Variants in CHAF1A observed in about 807,000 individuals in gnomAD.
CHAF1A encodes the protein chromatin assembly factor 1 subunit A, also known as CAF-1 subunit A.
A neutral mutation model predicts 93.2 loss-of-function variants in CHAF1A; 5 were observed. That is an observed-to-expected ratio of 0.05 (90% CI 0.03 to 0.11). The LOEUF (loss-of-function observed/expected upper bound fraction) is 0.11. CHAF1A is among the 10% of genes least tolerant of loss of function. The pLI is 1.00. For synonymous variants in CHAF1A, 504 were observed against 510.3 expected, an observed-to-expected ratio of 0.99 and a Z score of 0.17; for missense variants, 1,102 against 1,259.9, an observed-to-expected ratio of 0.87 and a Z score of 1.90.
intron 14 of CHAF1A, 74 bp downstream of exon 14, chr19:4,442,415 G>C: frequency 7.9e-7 from 1 of 1,263,610 alleles, no homozygotes; most frequent in South Asian, 1.3e-5. Flanking sequence ...GAGAAGGGAT[G>C]GGGCTGCCTA....
rs1035706521 is a variant in CHAF1A at position 4,429,451 on chromosome 19, G to A, written c.1618G>A (p.Val540Met). 1.4e-5 allele frequency: 23 copies of A among 1,613,756 alleles called. No individual in the cohort carries two copies. Among genetic ancestry groups the A allele is most frequent in the East Asian group, 2.2e-5 (1 of 44,876 alleles). ...ADIFNSDVVI[V>M]ERGKGDGVPE... Reference sequence around the variant, plus strand: ...TTTCCTTCTCAGTGATGTCGTCATCGTGGAGCGTGGGAAGGGCGACGGTGT... The same window carrying A: ...TTTCCTTCTCAGTGATGTCGTCATCATGGAGCGTGGGAAGGGCGACGGTGT... The change falls in exon 9 of 15, where the codon GTG (valine) becomes ATG (methionine). Residue 540 changes from valine to methionine, a missense_variant. Transcript: ENST00000301280.
At chr19:4,427,059 C>T (rs1974094987) in intron 7 of CHAF1A, among the ~76,000 whole-genome samples, 1 of 147,736 alleles carries the variant, frequency 6.8e-6, no homozygotes, top group Non-Finnish European at 1.5e-5. Context: ...CCACTGTACT[C>T]CAGGCTGCGC....
At chr19:4,446,143 G>A, downstream of CHAF1A, 1 of 1,611,750 alleles carries the variant, frequency 6.2e-7, no homozygotes, top group Non-Finnish European at 8.5e-7. Context: ...GCTCTGCAGG[G>A]CCTCCCGGAC....
At chr19:4,447,577 C>G, downstream of CHAF1A, 1 of 1,613,868 alleles carries the variant, frequency 6.2e-7, no homozygotes, top group South Asian at 1.1e-5. Context: ...GCAGCTTGAT[C>G]TTCCGGTACT....
intron 5 of CHAF1A, 138 bp from the exon 6 acceptor site, chr19:4,423,197 C>A: frequency 7.8e-7 from 1 of 1,278,982 alleles, no homozygotes; most frequent in Non-Finnish European, 1.1e-6. Flanking sequence ...TATGTAAAAG[C>A]CTTATACTAG....
downstream of CHAF1A, among the ~76,000 whole-genome samples, chr19:4,443,776 C>A (rs1974443238): frequency 6.6e-6 from 1 of 152,144 alleles, no homozygotes. Flanking sequence ...TAGAAGGTGA[C>A]CTCCTCCCCG....
intron 4 of CHAF1A, among the ~76,000 whole-genome samples, chr19:4,419,896 C>A (rs1242156694): frequency 1.3e-5 from 2 of 152,176 alleles, no homozygotes; most frequent in Admixed American, 1.3e-4. Context: ...CTATTTCCTG[C>A]TTAGCAACAG....
In CHAF1A at chr19:4,433,173, C is replaced by T; in HGVS notation, c.2307C>T (p.His769=). ...EHCRRGLLSN[H]TGSPRSPSTT... ...GCCGCCGGGGACTGCTCAGCAACCA[C>T]ACCGGCAGCCCGCGGAGCCCCTCCA... Residue 769 remains histidine, a synonymous_variant, in exon 13 of 15, where the codon CAC becomes CAT. Transcript: ENST00000301280. The surrounding 1 kb of genome is among the most constrained non-coding windows in gnomAD (Gnocchi z 5.6). 2 of 1,613,704 alleles carry T rather than the reference C, an allele frequency of 1.2e-6. No individual in the cohort carries two copies. Among genetic ancestry groups the T allele is most frequent in the South Asian group, 1.1e-5 (1 of 91,076 alleles).
At chr19:4,410,385 AC>A (rs1418967986) in intron 3 of CHAF1A, among the ~76,000 whole-genome samples, 3 of 99,876 alleles carry the variant, frequency 3.0e-5, no homozygotes, top group African/African-American at 1.1e-4. Context: ...AAAAAAAATT[AC>A]TTTTTTTTTT....
At chr19:4,435,087 C>CTTTTTTTTTTTTTTT (rs869255408) in intron 13 of CHAF1A, among the ~76,000 whole-genome samples, 3 of 87,966 alleles carry the variant, frequency 3.4e-5, no homozygotes, top group Admixed American at 1.5e-4. Flanking sequence ...CTTTTTTTTC[C>CTTTTTTTTTTTTTTT]TTTTTTTTTT....
chr19:4,438,269 A>G (rs1360345088), intron 13 of CHAF1A, among the ~76,000 whole-genome samples: 1 of 152,172 alleles, frequency 6.6e-6, no homozygotes, highest in East Asian at 1.9e-4. Flanking sequence ...AAGTGAGAGC[A>G]TGTGATATTT....
At chr19:4,438,280 G>A (rs1974323297) in intron 13 of CHAF1A, among the ~76,000 whole-genome samples, 1 of 152,080 alleles carries the variant, frequency 6.6e-6, no homozygotes, top group Admixed American at 6.6e-5. Context: ...TGTGATATTT[G>A]GTTTTCTGTG....
intron 4 of CHAF1A, among the ~76,000 whole-genome samples, chr19:4,420,996 G>A (rs1339867463): frequency 6.6e-6 from 1 of 152,180 alleles, no homozygotes; most frequent in Non-Finnish European, 1.5e-5. Flanking sequence ...GCCCAGGACG[G>A]AGGTTGCAGT....
chr19:4,433,081 C>A lies in CHAF1A; in HGVS notation c.2215C>A (p.Leu739Met). The change falls in exon 13 of 15, where the codon CTG becomes ATG. Residue 739 changes from leucine to methionine, a missense_variant. Coordinates refer to ENST00000301280, the MANE Select transcript of CHAF1A (RefSeq NM_005483.3). The surrounding 1 kb of genome is among the most constrained non-coding windows in gnomAD (Gnocchi z 5.6). ...ERRDEQILAQ[L>M]LPLLHGNVNG... ...TTCCCTCCTGCCAGTCCTGGCCCAG[C>A]TGCTGCCGCTCCTGCACGGCAATGT... 1 of 1,575,552 alleles carries A rather than the reference C, an allele frequency of 6.3e-7. No homozygotes were observed. Among genetic ancestry groups the A allele is most frequent in the Non-Finnish European group, 8.7e-7 (1 of 1,155,572 alleles).
At chr19:4,446,874 A>G (rs138342613), downstream of CHAF1A, 203 of 1,613,892 alleles carry the variant, frequency 1.3e-4, 1 homozygote, top group Non-Finnish European at 1.5e-4. Flanking sequence ...CTGGAACCCA[A>G]TGGCCTCAAA....
intron 2 of CHAF1A, among the ~76,000 whole-genome samples, chr19:4,407,509 A>T (rs889272706): frequency 6.6e-6 from 1 of 152,076 alleles, no homozygotes; most frequent in Non-Finnish European, 1.5e-5. Flanking sequence ...TTTCTACTTG[A>T]GAACCAGATG....
chr19:4,406,629 T>A (rs1283659624), intron 2 of CHAF1A, among the ~76,000 whole-genome samples: 1 of 152,014 alleles, frequency 6.6e-6, no homozygotes, highest in African/African-American at 2.4e-5. Context: ...GAGATGGGGT[T>A]TTACCATGTT....
chr19:4,447,741 A>C, downstream of CHAF1A: 1 of 1,066,848 alleles, frequency 9.4e-7, no homozygotes. Flanking sequence ...GTCAGAGGGA[A>C]GAAGCGGCCC....
At chr19:4,410,970 G>A (rs991470403) in intron 3 of CHAF1A, among the ~76,000 whole-genome samples, 18 of 152,170 alleles carry the variant, frequency 1.2e-4, no homozygotes, top group African/African-American at 3.9e-4. Flanking sequence ...AATCAGTCAC[G>A]AGTCCCACGG....
Sources: allele counts gnomAD v4.1 joint callset (sites outside exome capture counted in the v4.1 genomes callset), GRCh38; gene constraint gnomAD v4.1.1; non-coding constraint Gnocchi (gnomAD v3.1); transcripts MANE v1.5; gene names NCBI Gene and HGNC (gene_info 2026-07-23, HGNC 2026-07-21).